FER1L6: variants seen among roughly 807,000 people sequenced by gnomAD.
The protein encoded by FER1L6 is fer-1-like protein 6.
Under a neutral mutation model 219.2 loss-of-function variants are expected in FER1L6, and 177 were observed. The ratio of observed to expected loss-of-function variants is 0.81; its 90% CI spans 0.71 to 0.91. The LOEUF (loss-of-function observed/expected upper bound fraction) is 0.91, where lower values mean the gene tolerates loss of function less well. Among genes scored for constraint, FER1L6 ranks in the 40% least tolerant of loss-of-function variants. The probability of loss-of-function intolerance (pLI) is 0.00; values close to 1 mark genes in which losing one functional copy is unlikely to be tolerated. For synonymous variants in FER1L6, 768 were observed against 824.3 expected (o/e 0.93, Z 1.17); for missense variants, 2,153 against 2,259.9 (o/e 0.95, Z 0.96).
intron 13 of FER1L6, among the ~76,000 whole-genome samples, chr8:124,003,625 T>C (rs1817522367): frequency 1.3e-5 from 2 of 151,836 alleles, no homozygotes. Flanking sequence ...CACACCACCA[T>C]GCCCGGCTAA....
chr8:124,020,784 A>G (rs1321666827), intron 16 of FER1L6, among the ~76,000 whole-genome samples: 1 of 152,142 alleles, frequency 6.6e-6, no homozygotes, highest in African/African-American at 2.4e-5. Context: ...AGGAGTAACA[A>G]AGGATTAATA....
intron 37 of FER1L6, among the ~76,000 whole-genome samples, chr8:124,099,363 TTTC>T (rs1822454513): frequency 6.6e-6 from 1 of 152,136 alleles, no homozygotes; most frequent in African/African-American, 2.4e-5. Flanking sequence ...TTCTCTACGG[TTTC>T]TTATCTCAGT....
At chr8:123,965,868 T>C in intron 3 of FER1L6, 139 bp from the exon 4 acceptor site, 1 of 786,468 alleles carries the variant, frequency 1.3e-6, no homozygotes, top group Non-Finnish European at 2.0e-6. Context: ...TGTCCGCTTA[T>C]ACTTATCTCC....
chr8:124,027,325 A>G (rs1224644531), intron 18 of FER1L6, among the ~76,000 whole-genome samples: 1 of 152,200 alleles, frequency 6.6e-6, no homozygotes. Flanking sequence ...CAACTTTCAA[A>G]TGGATAAAGA....
At chr8:124,039,450 C>T (rs972089358) in intron 19 of FER1L6, among the ~76,000 whole-genome samples, 2 of 152,098 alleles carry the variant, frequency 1.3e-5, no homozygotes, top group African/African-American at 4.8e-5. Context: ...CCTGTATAAA[C>T]AGGAGAATTA....
At chr8:124,077,980 T>C (rs1037387854) in intron 32 of FER1L6, among the ~76,000 whole-genome samples, 13 of 152,172 alleles carry the variant, frequency 8.5e-5, no homozygotes, top group East Asian at 3.9e-4. Context: ...GGTGCCCTGG[T>C]ATCTTGCGTT....
At chr8:124,093,417 C>T (rs1415203458) in intron 34 of FER1L6, among the ~76,000 whole-genome samples, 2 of 151,732 alleles carry the variant, frequency 1.3e-5, no homozygotes, top group Non-Finnish European at 2.9e-5. Flanking sequence ...AAGTACTGAA[C>T]CATACATAGG....
chr8:124,103,251 T>C lies in FER1L6; in HGVS notation c.5231T>C (p.Ile1744Thr), dbSNP rs769165779. Residue 1744 changes from isoleucine (I) to threonine (T), a missense_variant, in exon 39 of 41, where the codon ATA becomes ACA. By Grantham distance (89) the Ile-to-Thr change is moderately conservative. Coordinates refer to ENST00000522917, the MANE Select transcript of FER1L6 (RefSeq NM_001039112.2). Reference protein sequence around the residue: ...ENASEETKISIFQQKRVRGWW... With the variant: ...ENASEETKISTFQQKRVRGWW... ...GCAAGTGAGGAGACCAAGATCTCTA[T>C]ATTCCAGCAAAAACGTGTGCGTGGC... is the stretch of plus-strand genomic sequence containing the variant. 5.6e-6 allele frequency: 9 copies of C among 1,614,032 alleles called. No individual in the cohort carries two copies. The highest frequency in any genetic ancestry group is 5.0e-5 in the Admixed American group (3 of 60,006).
At chr8:124,060,430 C>A in intron 23 of FER1L6, 118 bp from the exon 24 acceptor site, 1 of 1,463,754 alleles carries the variant, frequency 6.8e-7, no homozygotes, top group Non-Finnish European at 9.4e-7. Context: ...GCAGTTCTTT[C>A]CTGGAGGAAC....
intron 1 of FER1L6, among the ~76,000 whole-genome samples, chr8:123,854,859 A>T (rs1485271060): frequency 6.6e-6 from 1 of 152,166 alleles, no homozygotes; most frequent in African/African-American, 2.4e-5. Context: ...TCTGCTATAC[A>T]CTTACCATAA....
chr8:124,034,392 T>A (rs572597657), intron 18 of FER1L6, among the ~76,000 whole-genome samples: 1 of 152,212 alleles, frequency 6.6e-6, no homozygotes, highest in South Asian at 2.1e-4. Flanking sequence ...TGCCTACATT[T>A]TGTCTTTAGA....
In FER1L6 at chr8:123,986,081, A is replaced by G; in HGVS notation, c.1424A>G (p.Lys475Arg). 2 of 1,609,850 alleles carry G rather than the reference A, an allele frequency of 1.2e-6. No homozygotes were observed. The highest frequency in any genetic ancestry group is 1.7e-6 in the Non-Finnish European group (2 of 1,176,118). Reference protein sequence around the residue: ...FDVPPEIVPEKNEEFLLFGAF... With the variant: ...FDVPPEIVPERNEEFLLFGAF... ...TTCTTTCTGTAGATTGTACCAGAAA[A>G]AAATGAGGAATTTTTACTCTTTGGA... Residue 475 changes from lysine (K) to arginine (R), a missense_variant, in exon 12 of 41, where the codon AAA (lysine) becomes AGA (arginine). Lys to Arg is a conservative substitution (Grantham distance 26). Transcript: ENST00000522917.
At position 124,061,837 on chromosome 8, in the gene FER1L6, A is replaced by T; in HGVS notation, c.3148-15A>T. 1 of 1,611,434 alleles carries T rather than the reference A, an allele frequency of 6.2e-7. No homozygotes were observed. Among genetic ancestry groups the T allele is most frequent in the Non-Finnish European group, 8.5e-7 (1 of 1,179,176 alleles). On this transcript the variant is annotated splice_polypyrimidine_tract_variant and intron_variant, in intron 24 of 40. Transcript: ENST00000522917. Reference sequence around the variant, plus strand: ...GGTCACCAGGCCCCTTCTTCATCTCATCCTCTCTCTGCAGGAACTGCCTGA... The same window carrying T: ...GGTCACCAGGCCCCTTCTTCATCTCTTCCTCTCTCTGCAGGAACTGCCTGA...
Position 123,970,103 on chromosome 8 carries a change from T to C in FER1L6, c.447+6T>C. 2 of 1,613,342 alleles carry C rather than the reference T, an allele frequency of 1.2e-6. No homozygotes were observed. The highest frequency in any genetic ancestry group is 1.7e-6 in the Non-Finnish European group (2 of 1,179,342). ...ACAAGATCATCAAAATCTCCGTAAGTATAGCATTGGTGGTAATAGTTGTGG... is the reference window on the plus strand; with the variant it reads ...ACAAGATCATCAAAATCTCCGTAAGCATAGCATTGGTGGTAATAGTTGTGG... On this transcript the variant is annotated splice_donor_region_variant and intron_variant, in intron 6 of 40. Coordinates refer to ENST00000522917, the MANE Select transcript of FER1L6 (RefSeq NM_001039112.2).
At chr8:123,910,418 C>T (rs902740437) in intron 1 of FER1L6, among the ~76,000 whole-genome samples, 3 of 152,166 alleles carry the variant, frequency 2.0e-5, no homozygotes, top group Non-Finnish European at 4.4e-5. Context: ...GACCTAGGAC[C>T]TTTTTCGTTC....
At chr8:124,107,062 T>C (rs1016631214) in intron 39 of FER1L6, among the ~76,000 whole-genome samples, 27 of 151,390 alleles carry the variant, frequency 1.8e-4, no homozygotes, top group Non-Finnish European at 2.7e-4. Context: ...CATTCTCCTG[T>C]CTCAGCCTCC....
At chr8:124,020,603 G>C (rs1476580635) in intron 16 of FER1L6, among the ~76,000 whole-genome samples, 3 of 152,122 alleles carry the variant, frequency 2.0e-5, no homozygotes, top group Non-Finnish European at 4.4e-5. Flanking sequence ...TGTCTTCTTG[G>C]TCTGAAAGCA....
rs925241408 is a variant in FER1L6 at position 123,853,455 on chromosome 8, T to C, written c.-8+1270T>C. On this transcript the variant is annotated intron_variant, in intron 1 of 40. Coordinates refer to ENST00000522917, the MANE Select transcript of FER1L6 (RefSeq NM_001039112.2). This position sits in a 1 kb window ranked among gnomAD's most constrained non-coding sequence, Gnocchi z 6.6. Reference sequence around the variant, plus strand: ...TAGGCGTGAGCCACCGTACCCGGCCTAAAATAGAAGAAATCATTTTTATTC... The same window carrying C: ...TAGGCGTGAGCCACCGTACCCGGCCCAAAATAGAAGAAATCATTTTTATTC... 2.0e-5 allele frequency among the ~76,000 whole-genome samples: 3 copies of C among 152,210 alleles called. No homozygotes were observed. Among genetic ancestry groups the C allele is most frequent in the African/African-American group, 7.2e-5 (3 of 41,460 alleles).
chr8:123,885,741 G>C (rs751599388), intron 1 of FER1L6, among the ~76,000 whole-genome samples: 4 of 152,194 alleles, frequency 2.6e-5, no homozygotes, highest in Non-Finnish European at 4.4e-5. Context: ...CATGGAGAAA[G>C]CCTGGGCCAG....
Sources: gnomAD v4.1 joint callset for allele counts (sites outside exome capture counted in the v4.1 genomes callset) on GRCh38, gnomAD v4.1.1 for gene constraint, Gnocchi (gnomAD v3.1) non-coding constraint, MANE v1.5 for transcripts, NCBI Gene and HGNC (gene_info 2026-07-23, HGNC 2026-07-21) for gene names.